The following PLA2G4E variants were observed in gnomAD, a reference collection of about 807,000 sequenced individuals.
PLA2G4E encodes phospholipase A2 group IVE.
In PLA2G4E, 84 loss-of-function variants were observed where a neutral mutation model predicts 109.1. The ratio of observed to expected loss-of-function variants is 0.77; its 90% CI spans 0.65 to 0.92. The LOEUF is 0.92. Among genes scored for constraint, PLA2G4E ranks in the 40% least tolerant of loss-of-function variants. The pLI is 0.00. For missense variants in PLA2G4E, 1,057 were observed against 1,076.6 expected (o/e 0.98, Z 0.25); for synonymous variants, 469 against 436.1 (o/e 1.08, Z -0.94).
chr15:42,049,810 C>T (rs1048762529), intron 1 of PLA2G4E, among the ~76,000 whole-genome samples: 4 of 152,210 alleles, frequency 2.6e-5, no homozygotes, highest in African/African-American at 9.6e-5. Context: ...CAGAGGAATG[C>T]TGTCACCTCC....
intron 1 of PLA2G4E, among the ~76,000 whole-genome samples, chr15:42,015,339 G>T (rs139800481): frequency 6.6e-6 from 1 of 152,116 alleles, no homozygotes; most frequent in Non-Finnish European, 1.5e-5. Context: ...CCGAGGGACC[G>T]CAGCGCTCTC....
At chr15:42,041,283 T>A (rs1712430) in intron 1 of PLA2G4E, among the ~76,000 whole-genome samples, 1 of 151,928 alleles carries the variant, frequency 6.6e-6, no homozygotes. Context: ...TTTGGTTTAA[T>A]GAGGGATAGG....
rs766256144 is a variant in PLA2G4E, at chr15:41,995,315, G to C, written c.1247+45C>G. On this transcript the variant is annotated intron_variant, in intron 12 of 19. Coordinates refer to ENST00000399518, the Ensembl canonical transcript of PLA2G4E. ...CCTGAGACCCCAGGCCAGCCTGTTCGTGGCTTGCCCTGGGCTCCACAGACA... is the reference window on the plus strand; with the variant it reads ...CCTGAGACCCCAGGCCAGCCTGTTCCTGGCTTGCCCTGGGCTCCACAGACA... 31 of 1,592,880 alleles carry C rather than the reference G, an allele frequency of 1.9e-5. No individual in the cohort carries two copies. The South Asian group carries it at 2.2e-4, about 11-fold the overall frequency.
chr15:41,992,778 C>T (rs267604200), exon 13 of PLA2G4E: 1 of 1,613,172 alleles, frequency 6.2e-7, no homozygotes, highest in Non-Finnish European at 8.5e-7. Flanking sequence ...CCCCAGAAGT[C>T]TGTAAAGGTG....
chr15:42,049,777 T>C (rs929174998), intron 1 of PLA2G4E, among the ~76,000 whole-genome samples: 2 of 152,110 alleles, frequency 1.3e-5, no homozygotes, highest in Admixed American at 6.5e-5. Flanking sequence ...GTGCCACCGC[T>C]AAGACCATAG....
chr15:41,991,316 A>C (rs1420546620), intron 13 of PLA2G4E, among the ~76,000 whole-genome samples: 2 of 152,176 alleles, frequency 1.3e-5, no homozygotes, highest in African/African-American at 4.8e-5. Flanking sequence ...CTTCCTCCTC[A>C]TCATATGCGG....
At chr15:42,005,089 A>AC in intron 4 of PLA2G4E, 111 bp from the exon 5 acceptor site, 2 of 1,272,600 alleles carry the variant, frequency 1.6e-6, no homozygotes, top group Non-Finnish European at 2.2e-6. Flanking sequence ...TCCTTCCCCC[A>AC]CAGCTGCCTG....
At chr15:42,050,213 G>T (rs1221673132) in intron 1 of PLA2G4E, among the ~76,000 whole-genome samples, 2 of 152,206 alleles carry the variant, frequency 1.3e-5, no homozygotes, top group African/African-American at 4.8e-5. Context: ...CCTTGGGCAG[G>T]TTCCTTGACC....
intron 1 of PLA2G4E, among the ~76,000 whole-genome samples, chr15:42,036,163 C>T (rs1889209739): frequency 6.6e-6 from 1 of 152,170 alleles, no homozygotes; most frequent in South Asian, 2.1e-4. Context: ...CTGGAGCGGC[C>T]GCTGCCATCA....
chr15:42,013,901 T>G (rs2068563130), intron 1 of PLA2G4E, 144 bp from the exon 2 acceptor site: 3 of 626,110 alleles, frequency 4.8e-6, no homozygotes, highest in East Asian at 5.9e-5. Context: ...TTTTTTTTTT[T>G]TTTTTTTTTT....
At chr15:41,997,916 A>C (rs577497696) in intron 10 of PLA2G4E, 1 of 150,508 alleles carries the variant, frequency 6.6e-6, no homozygotes, top group African/African-American at 2.5e-5. Flanking sequence ...TTTTAATCAC[A>C]TCCCTGCCCC....
intron 1 of PLA2G4E, among the ~76,000 whole-genome samples, chr15:42,021,710 A>G (rs1026716880): frequency 6.6e-6 from 1 of 152,220 alleles, no homozygotes; most frequent in East Asian, 1.9e-4. Flanking sequence ...CGCCCAGATG[A>G]TTCCTATCTC....
chr15:41,985,741 A>G, intron 18 of PLA2G4E, 98 bp downstream of exon 18: 1 of 1,409,290 alleles, frequency 7.1e-7, no homozygotes, highest in South Asian at 1.3e-5. Flanking sequence ...TGTCTAGAGC[A>G]TGCCTCTTCC....
intron 1 of PLA2G4E, among the ~76,000 whole-genome samples, chr15:42,044,100 C>T (rs929160501): frequency 1.3e-5 from 2 of 152,122 alleles, no homozygotes; most frequent in Non-Finnish European, 2.9e-5. Context: ...CTACAGGTTC[C>T]GAGTATCAAA....
chr15:41,995,433 G>A (rs971012321), exon 12 of PLA2G4E: 5 of 1,613,872 alleles, frequency 3.1e-6, no homozygotes, highest in Non-Finnish European at 4.2e-6. Context: ...CCCAGCAGGT[G>A]GCCATACATG....
At chr15:42,019,147 T>C (rs1209382875) in intron 1 of PLA2G4E, among the ~76,000 whole-genome samples, 2 of 152,180 alleles carry the variant, frequency 1.3e-5, no homozygotes, top group Non-Finnish European at 2.9e-5. Flanking sequence ...GCGCATGCAC[T>C]CCATCCACCT....
intron 1 of PLA2G4E, among the ~76,000 whole-genome samples, chr15:42,040,890 C>G (rs2141076597): frequency 6.6e-6 from 1 of 152,062 alleles, no homozygotes; most frequent in Non-Finnish European, 1.5e-5. Context: ...TTCTAAAGTT[C>G]AAGAAAGGTT....
intron 6 of PLA2G4E, among the ~76,000 whole-genome samples, chr15:42,002,338 C>A (rs984882803): frequency 1.4e-5 from 2 of 147,452 alleles, no homozygotes; most frequent in Non-Finnish European, 3.0e-5. Context: ...AGGACCAAGA[C>A]TGAGTCTGAG....
At chr15:41,992,787 T>C in exon 13 of PLA2G4E, 1 of 1,613,266 alleles carries the variant, frequency 6.2e-7, no homozygotes, top group Non-Finnish European at 8.5e-7. Flanking sequence ...TCTGTAAAGG[T>C]GACCCTGTAG....
Sources: allele counts gnomAD v4.1 joint callset (sites outside exome capture counted in the v4.1 genomes callset), GRCh38; gene constraint gnomAD v4.1.1; transcripts MANE v1.5; gene names NCBI Gene and HGNC (gene_info 2026-07-23, HGNC 2026-07-21).